DGKI: variants seen among roughly 807,000 people sequenced by gnomAD.
DGKI encodes diacylglycerol kinase iota.
DGKI carries 55 observed loss-of-function variants against 147.5 expected under a neutral mutation model. That is an observed-to-expected ratio of 0.37 (90% confidence interval 0.30 to 0.47). The LOEUF is 0.47. Ranked by LOEUF, DGKI falls within the 20% of genes least tolerant of loss-of-function variation. The probability of loss-of-function intolerance (pLI) is 1.00; values close to 1 mark genes in which losing one functional copy is unlikely to be tolerated. For missense variants in DGKI, 1,007 were observed against 1,323.8 expected (o/e 0.76, Z 3.71); for synonymous variants, 469 against 477.1 (o/e 0.98, Z 0.22).
chr7:137,764,761 A>T (rs1047815005), intron 1 of DGKI, among the ~76,000 whole-genome samples: 14 of 151,942 alleles, frequency 9.2e-5, no homozygotes, highest in African/African-American at 2.2e-4. Flanking sequence ...TGCCCATATT[A>T]TTTTCCTGCA....
intron 21 of DGKI, among the ~76,000 whole-genome samples, chr7:137,497,946 C>T (rs1428109651): frequency 6.6e-6 from 1 of 152,050 alleles, no homozygotes; most frequent in Non-Finnish European, 1.5e-5. Flanking sequence ...ACATATACCC[C>T]TGAATCTAAA....
rs902439759 is a variant in DGKI at position 137,381,898 on chromosome 7, G to T, written c.*9322C>A. ...AACTTTCCCAACTTATAATCGGTAA[G>T]TCAGGGAGAGCATCAAAGTTCTACT... On this transcript the variant is annotated 3_prime_UTR_variant, in exon 33 of 33. Coordinates refer to ENST00000614521, the MANE Select transcript of DGKI (RefSeq NM_001321708.2). The T allele has an allele frequency of 1.3e-5, 2 of 152,126 alleles. No homozygotes were observed. Among genetic ancestry groups the T allele is most frequent in the Non-Finnish European group, 2.9e-5 (2 of 68,006 alleles). The allele number at this position is 152,126 out of a possible 1,614,324, so 9.4% of individuals were successfully genotyped here.
intron 20 of DGKI, among the ~76,000 whole-genome samples, chr7:137,528,614 G>A (rs1167430695): frequency 6.6e-6 from 1 of 152,236 alleles, no homozygotes; most frequent in East Asian, 1.9e-4. Context: ...AATTATTTGA[G>A]GCAGCTATTC....
intron 21 of DGKI, among the ~76,000 whole-genome samples, chr7:137,512,181 G>A (rs1816602805): frequency 6.6e-6 from 1 of 152,172 alleles, no homozygotes; most frequent in African/African-American, 2.4e-5. Flanking sequence ...ACTAGAAAGT[G>A]CCCTGGATTA....
intron 1 of DGKI, among the ~76,000 whole-genome samples, chr7:137,745,256 G>A (rs926544479): frequency 6.6e-6 from 1 of 152,190 alleles, no homozygotes; most frequent in Admixed American, 6.5e-5. Flanking sequence ...CTTTGTTTAT[G>A]TAGATGGAAG....
chr7:137,550,170 T>G (rs1212721381), intron 20 of DGKI, among the ~76,000 whole-genome samples: 4 of 150,320 alleles, frequency 2.7e-5, no homozygotes, highest in South Asian at 2.1e-4. Flanking sequence ...TGTTTGAGTT[T>G]TTTTTTTTTT....
chr7:137,518,367 A>C (rs1230942820), intron 21 of DGKI, among the ~76,000 whole-genome samples: 1 of 152,126 alleles, frequency 6.6e-6, no homozygotes, highest in Non-Finnish European at 1.5e-5. Flanking sequence ...CTAAATCACC[A>C]AACAAGGAAA....
At position 137,388,757 on chromosome 7, in the gene DGKI, C is replaced by T. The variant is rs937219338; in HGVS notation, c.*2463G>A. ...CTAGTGGTACTTGCTTTTTTCAAAG[C>T]GATATATCAAATATTGGTCTCCATG... On this transcript the variant is annotated 3_prime_UTR_variant, in exon 33 of 33. Transcript: ENST00000614521. 14 of 150,718 alleles carry T rather than the reference C, an allele frequency of 9.3e-5. No homozygotes were observed. Among genetic ancestry groups the T allele is most frequent in the African/African-American group, 2.7e-4 (11 of 40,986 alleles). The allele number at this position is 150,718 out of a possible 1,614,324, so 9.3% of individuals were successfully genotyped here. A position where few individuals can be genotyped will look rare whatever the true frequency, so the allele number is the denominator to read the frequency against.
Position 137,383,183 on chromosome 7 carries a change from A to G in DGKI, c.*8037T>C, listed in dbSNP as rs1045999792. On this transcript the variant is annotated 3_prime_UTR_variant, in exon 33 of 33. Coordinates refer to ENST00000614521, the MANE Select transcript of DGKI (RefSeq NM_001321708.2). ...GTGACCTTTTTGCTTTAGTAGAAAC[A>G]TATCTTTTTTAGGAGATTTGGGAAT... 2 of 151,746 alleles carry G rather than the reference A, an allele frequency of 1.3e-5. No individual in the cohort carries two copies. The highest frequency in any genetic ancestry group is 4.8e-5 in the African/African-American group (2 of 41,360). The allele number at this position is 151,746 out of a possible 1,614,324, so 9.4% of individuals were successfully genotyped here.
At chr7:137,538,265 T>C (rs1470782957) in intron 20 of DGKI, among the ~76,000 whole-genome samples, 2 of 152,170 alleles carry the variant, frequency 1.3e-5, no homozygotes, top group Non-Finnish European at 2.9e-5. Flanking sequence ...AACAGAACCA[T>C]AAAAAATTTT....
chr7:137,757,623 AC>A (rs1207354799), intron 1 of DGKI, among the ~76,000 whole-genome samples: 1 of 152,052 alleles, frequency 6.6e-6, no homozygotes, highest in African/African-American at 2.4e-5. Flanking sequence ...CCATTATCTG[AC>A]CCTCAACACC....
At chr7:137,720,770 T>C (rs536148417) in intron 1 of DGKI, among the ~76,000 whole-genome samples, 2 of 152,350 alleles carry the variant, frequency 1.3e-5, no homozygotes, top group East Asian at 3.9e-4. Flanking sequence ...ATTTGGTTAA[T>C]CACTTAATTG....
chr7:137,683,567 C>T (rs759817855), intron 2 of DGKI, among the ~76,000 whole-genome samples: 2 of 152,064 alleles, frequency 1.3e-5, no homozygotes, highest in Admixed American at 6.6e-5. Context: ...AAACATACCT[C>T]GCATTTCCCT....
intron 1 of DGKI, among the ~76,000 whole-genome samples, chr7:137,816,771 A>G (rs1797748859): frequency 6.6e-6 from 1 of 152,214 alleles, no homozygotes; most frequent in Non-Finnish European, 1.5e-5. Context: ...ATAGGGGGTG[A>G]GTAAGGAAGC....
At chr7:137,811,616 G>C (rs1797584883) in intron 1 of DGKI, among the ~76,000 whole-genome samples, 1 of 152,304 alleles carries the variant, frequency 6.6e-6, no homozygotes, top group East Asian at 1.9e-4. Context: ...TTGTGGTGCA[G>C]CATCCCCTGA....
chr7:137,532,034 G>A (rs200866829), intron 20 of DGKI, among the ~76,000 whole-genome samples: 29 of 151,088 alleles, frequency 1.9e-4, no homozygotes, highest in South Asian at 2.1e-4. Context: ...CAAACCAATA[G>A]AAAAAAAAAT....
At chr7:137,397,349 A>G (rs780546476) in intron 31 of DGKI, 28 bp downstream of exon 31, 1 of 1,606,952 alleles carries the variant, frequency 6.2e-7, no homozygotes, top group Non-Finnish European at 8.5e-7. Context: ...AAAATAACCT[A>G]GACTATGTAA....
chr7:137,395,396 C>G (rs530382768), intron 32 of DGKI, among the ~76,000 whole-genome samples: 59 of 152,360 alleles, frequency 3.9e-4, no homozygotes, highest in Non-Finnish European at 7.9e-4. Context: ...GCCCCATAGG[C>G]AAGCACACGC....
At chr7:137,580,961 A>C (rs1819167578) in intron 15 of DGKI, among the ~76,000 whole-genome samples, 1 of 152,118 alleles carries the variant, frequency 6.6e-6, no homozygotes. Flanking sequence ...ATATATATTC[A>C]GAAGGCACTA....
Sources: allele counts gnomAD v4.1 joint callset (sites outside exome capture counted in the v4.1 genomes callset), GRCh38; gene constraint gnomAD v4.1.1; transcripts MANE v1.5; gene names NCBI Gene and HGNC (gene_info 2026-07-23, HGNC 2026-07-21).